The following MED27 variants were observed in gnomAD, a reference collection of about 807,000 sequenced individuals.
The protein encoded by MED27 is mediator of RNA polymerase II transcription subunit 27.
MED27 carries 30 observed loss-of-function variants against 38.2 expected under a neutral mutation model. The ratio of observed to expected loss-of-function variants is 0.79; its 90% CI spans 0.59 to 1.07. The LOEUF (loss-of-function observed/expected upper bound fraction) is 1.07. Among genes scored for constraint, MED27 ranks in the 50% least tolerant of loss-of-function variants. MED27 has a pLI of 0.00. For synonymous variants in MED27, 122 were observed against 153.5 expected (o/e 0.79, Z 1.52); for missense variants, 289 against 397.5 (o/e 0.73, Z 2.32).
chr9:131,863,209 A>AT (rs1361441407), intron 6 of MED27, 69 bp from the exon 7 acceptor site: 5 of 1,242,632 alleles, frequency 4.0e-6, no homozygotes, highest in Non-Finnish European at 5.9e-6. Context: ...AGCAGGACAA[A>AT]TGCACGCCTT....
At chr9:131,923,241 C>G (rs1418119879) in intron 4 of MED27, among the ~76,000 whole-genome samples, 3 of 152,190 alleles carry the variant, frequency 2.0e-5, no homozygotes, top group African/African-American at 7.2e-5. Flanking sequence ...GTCCAACACA[C>G]TGAGGGTTGA....
chr9:131,986,626 G>A (rs759888506), intron 3 of MED27, among the ~76,000 whole-genome samples: 1 of 152,172 alleles, frequency 6.6e-6, no homozygotes, highest in Non-Finnish European at 1.5e-5. Context: ...TAGCCTAGGA[G>A]TAACAGGCTA....
At chr9:131,985,325 G>A (rs906350422) in intron 3 of MED27, among the ~76,000 whole-genome samples, 1 of 152,066 alleles carries the variant, frequency 6.6e-6, no homozygotes, top group Non-Finnish European at 1.5e-5. Context: ...TATATCTCCT[G>A]CTCCCAAATA....
intron 2 of MED27, among the ~76,000 whole-genome samples, chr9:132,017,061 A>G (rs1304258292): frequency 1.3e-5 from 2 of 152,148 alleles, no homozygotes; most frequent in East Asian, 3.9e-4. Context: ...TTAATCATAT[A>G]TATGTATCCC....
chr9:131,952,492 T>C (rs547201899), intron 3 of MED27, among the ~76,000 whole-genome samples: 22 of 152,248 alleles, frequency 1.4e-4, no homozygotes, highest in African/African-American at 4.8e-4. Context: ...GTAAAGAGCA[T>C]TGGGTGGGAA....
At chr9:131,905,701 CAAAAAAAAAAAAAA>C in intron 4 of MED27, among the ~76,000 whole-genome samples, 1 of 60,922 alleles carries the variant, frequency 1.6e-5, no homozygotes, top group Non-Finnish European at 2.8e-5. Flanking sequence ...AAGACCTTGT[CAAAAAAAAAAAAAA>C]AAAAAAAAAA....
chr9:131,897,687 T>C (rs1434615202), intron 4 of MED27, among the ~76,000 whole-genome samples: 1 of 152,218 alleles, frequency 6.6e-6, no homozygotes, highest in African/African-American at 2.4e-5. Context: ...TTGGTCATTG[T>C]TGAAGCTGGG....
intron 3 of MED27, among the ~76,000 whole-genome samples, chr9:131,994,236 T>G (rs1832041810): frequency 6.6e-6 from 1 of 152,188 alleles, no homozygotes; most frequent in African/African-American, 2.4e-5. Flanking sequence ...CCCAGGAACC[T>G]ATCGATGATG....
At chr9:131,904,546 G>T (rs1411189559) in intron 4 of MED27, among the ~76,000 whole-genome samples, 1 of 149,150 alleles carries the variant, frequency 6.7e-6, no homozygotes, top group South Asian at 2.2e-4. Context: ...GATCGGGGGG[G>T]AGCGGTCTCA....
At chr9:131,923,940 G>A (rs1830439195) in intron 4 of MED27, among the ~76,000 whole-genome samples, 1 of 152,112 alleles carries the variant, frequency 6.6e-6, no homozygotes, top group African/African-American at 2.4e-5. Context: ...AGTCATAGAG[G>A]TCTTTCTCAT....
chr9:131,897,700 G>A (rs1235547355), intron 4 of MED27, among the ~76,000 whole-genome samples: 1 of 152,172 alleles, frequency 6.6e-6, no homozygotes, highest in Non-Finnish European at 1.5e-5. Context: ...AAGCTGGGAT[G>A]GGTTCATGGG....
At chr9:132,019,446 G>T (rs1832673162) in intron 2 of MED27, among the ~76,000 whole-genome samples, 1 of 152,152 alleles carries the variant, frequency 6.6e-6, no homozygotes, top group Non-Finnish European at 1.5e-5. Flanking sequence ...AACCACAGAA[G>T]AAACCTTTTT....
At chr9:132,038,405 G>T (rs1183665205) in intron 2 of MED27, among the ~76,000 whole-genome samples, 1 of 151,220 alleles carries the variant, frequency 6.6e-6, no homozygotes, top group Non-Finnish European at 1.5e-5. Flanking sequence ...TTTTAGCCGG[G>T]ATGGTCTCGA....
chr9:131,918,653 C>A (rs1251116071), intron 4 of MED27, among the ~76,000 whole-genome samples: 2 of 151,964 alleles, frequency 1.3e-5, no homozygotes, highest in Admixed American at 6.5e-5. Flanking sequence ...TTTTTTCAAG[C>A]TGCTCCAGTC....
intron 4 of MED27, among the ~76,000 whole-genome samples, chr9:131,930,046 G>A (rs1475850016): frequency 6.6e-6 from 1 of 152,126 alleles, no homozygotes; most frequent in Non-Finnish European, 1.5e-5. Context: ...GAGAGAGAGA[G>A]GCTCCCTTTG....
intron 4 of MED27, among the ~76,000 whole-genome samples, chr9:131,898,771 G>C (rs150850631): frequency 1.1e-3 from 160 of 152,098 alleles, no homozygotes; most frequent in Admixed American, 3.1e-3. Context: ...TTTTAGTAAA[G>C]ACAGGGTTTC....
rs183886447 is a variant in MED27 at position 132,013,818 on chromosome 9, T to C, written c.479+519A>G. Among the ~76,000 whole-genome samples the C allele has an allele frequency of 5.5e-3, 836 of 152,268 alleles. 12 individuals carry two copies. Among genetic ancestry groups the C allele is most frequent in the African/African-American group, 0.019 (781 of 41,546 alleles). On this transcript the variant is annotated intron_variant, in intron 3 of 7. Coordinates refer to ENST00000292035, the MANE Select transcript of MED27 (RefSeq NM_004269.4). ...AAAGTCACATACAAAATATGTAAAA[T>C]AAACTGCATTACAGCTGTTTCACAA...
chr9:131,939,591 T>A (rs1830747600), intron 3 of MED27, 117 bp from the exon 4 acceptor site: 3 of 556,018 alleles, frequency 5.4e-6, no homozygotes, highest in Non-Finnish European at 8.8e-6. Context: ...AACACATTTT[T>A]AAGAAGGCAA....
intron 6 of MED27, among the ~76,000 whole-genome samples, chr9:131,882,201 T>C (rs1839060072): frequency 2.0e-5 from 3 of 152,196 alleles, no homozygotes; most frequent in African/African-American, 7.2e-5. Flanking sequence ...CCTAGACGCC[T>C]GTCCTCTGCC....
Sources: gnomAD v4.1 joint callset for allele counts (sites outside exome capture counted in the v4.1 genomes callset) on GRCh38, gnomAD v4.1.1 for gene constraint, MANE v1.5 for transcripts, NCBI Gene and HGNC (gene_info 2026-07-23, HGNC 2026-07-21) for gene names.